Variants in ESRRB observed in about 807,000 individuals in gnomAD.
The protein encoded by ESRRB is steroid hormone receptor ERR2.
Under a neutral mutation model 46.0 loss-of-function variants are expected in ESRRB, and 16 were observed. The observed-to-expected ratio is 0.35, with a 90% CI of 0.24 to 0.53. The LOEUF is 0.53. Ranked by LOEUF, ESRRB falls within the 20% of genes least tolerant of loss-of-function variation. ESRRB has a pLI of 0.93. For missense variants in ESRRB, 488 were observed against 607.4 expected, an observed-to-expected ratio of 0.80 and a Z score of 2.07; for synonymous variants, 246 against 259.6, an observed-to-expected ratio of 0.95 and a Z score of 0.50.
At chr14:76,312,502 G>A (rs548185184) in intron 1 of ESRRB, among the ~76,000 whole-genome samples, 10 of 151,388 alleles carry the variant, frequency 6.6e-5, no homozygotes, top group Non-Finnish European at 1.0e-4. Flanking sequence ...CAGTAAGACC[G>A]CATTCAGTAG....
At position 76,407,397 on chromosome 14, in the gene ESRRB, G is replaced by T. The variant is rs929604085; in HGVS notation, c.50+30946G>T. ...AGAGCCCATGGTTCCAGAGTCGGGG[G>T]TTGCCCCTCTCCATGTTTGAGGGCC... On this transcript the variant is annotated intron_variant, in intron 1 of 6. Transcript: ENST00000644823. 9 of 219,632 alleles carry T rather than the reference G, an allele frequency of 4.1e-5. No homozygotes were observed. In the South Asian group the frequency reaches 8.3e-4, roughly 20 times the overall value. 13.6% of individuals were successfully genotyped at this position (219,632 alleles called of 1,614,324 possible).
rs931292406 is a variant in ESRRB, at chr14:76,491,385, AGGGAGGCCCCT to A, written c.851-59_851-49del. The A allele has an allele frequency of 9.5e-6, 15 of 1,573,626 alleles. No individual in the cohort carries two copies. In the African/African-American group the frequency reaches 1.9e-4, roughly 20 times the overall value. ...GCAACCTCTGCCCCCAGCGAGCCCC[AGGGAGGCCCCT>A]GGTCCGCCCTCCTGACCTGCTGCTG... is the stretch of plus-strand genomic sequence containing the variant. On this transcript the variant is annotated intron_variant, in intron 5 of 6. Coordinates refer to ENST00000644823, the MANE Select transcript of ESRRB (RefSeq NM_001379180.1).
At chr14:76,330,478 T>G (rs1023480114) in intron 1 of ESRRB, among the ~76,000 whole-genome samples, 7 of 152,166 alleles carry the variant, frequency 4.6e-5, no homozygotes, top group African/African-American at 1.7e-4. Context: ...TGAATACCCC[T>G]AAAAAGAGGC....
chr14:76,490,882 C>A (rs1377889502), intron 5 of ESRRB, among the ~76,000 whole-genome samples: 1 of 152,150 alleles, frequency 6.6e-6, no homozygotes, highest in Non-Finnish European at 1.5e-5. Flanking sequence ...TCTTAGCAGC[C>A]CCAGGCTATG....
At chr14:76,438,966 A>ATT (rs34310817) in intron 1 of ESRRB, among the ~76,000 whole-genome samples, 19 of 147,104 alleles carry the variant, frequency 1.3e-4, no homozygotes, top group East Asian at 1.2e-3. Flanking sequence ...TGCCAGGCTA[A>ATT]TTTTTTTTTT....
chr14:76,348,658 ATTC>A (rs761520052), intron 1 of ESRRB, among the ~76,000 whole-genome samples: 1 of 152,168 alleles, frequency 6.6e-6, no homozygotes, highest in Non-Finnish European at 1.5e-5. Context: ...AGAGTCTTTG[ATTC>A]TTCTTCTCAA....
At chr14:76,332,870 TA>T (rs1458923388) in intron 1 of ESRRB, among the ~76,000 whole-genome samples, 359 of 26,070 alleles carry the variant, frequency 0.014, 5 homozygotes, top group Non-Finnish European at 0.02. Flanking sequence ...ATATATAATA[TA>T]TTTTTTTATA....
chr14:76,401,740 G>A (rs1885954826), intron 1 of ESRRB, among the ~76,000 whole-genome samples: 1 of 152,136 alleles, frequency 6.6e-6, no homozygotes, highest in African/African-American at 2.4e-5. Flanking sequence ...TGCCATCTAG[G>A]CTTGTGCAAG....
At chr14:76,351,570 A>AATT in intron 1 of ESRRB, among the ~76,000 whole-genome samples, 1 of 152,218 alleles carries the variant, frequency 6.6e-6, no homozygotes, top group East Asian at 1.9e-4. Context: ...ATTTCTAAAT[A>AATT]AGGTCACATT....
At position 76,439,509 on chromosome 14, in the gene ESRRB, C is replaced by A. The variant is rs529527792; in HGVS notation, c.219C>A (p.His73Gln). ...GCTTTGGCCTGGCCCTGGGCACCCA[C>A]GCCAACGGTCTGGACTCGCCACCCA... ...SGGFGLALGT[H>Q]ANGLDSPPMF... is the part of the protein sequence containing the mutation. Residue 73 changes from histidine (H) to glutamine (Q), a missense_variant, in exon 2 of 7, where the codon CAC becomes CAA. His to Gln is a conservative substitution (Grantham distance 24, BLOSUM62 0). Transcript: ENST00000644823. The A allele has an allele frequency of 3.7e-6, 6 of 1,613,090 alleles. No individual in the cohort carries two copies. Among genetic ancestry groups the A allele is most frequent in the Non-Finnish European group, 5.1e-6 (6 of 1,179,944 alleles).
intron 1 of ESRRB, among the ~76,000 whole-genome samples, chr14:76,412,874 A>G (rs1886502347): frequency 6.6e-6 from 1 of 152,168 alleles, no homozygotes; most frequent in African/African-American, 2.4e-5. Flanking sequence ...CAAATGACTC[A>G]GGAGGCCGGG....
chr14:76,374,232 C>G (rs901975978), upstream of ESRRB, among the ~76,000 whole-genome samples: 1 of 152,332 alleles, frequency 6.6e-6, no homozygotes, highest in South Asian at 2.1e-4. Flanking sequence ...GACATGGTCC[C>G]TACTCCCATG....
At chr14:76,357,653 A>T (rs1449821006) in intron 1 of ESRRB, among the ~76,000 whole-genome samples, 2 of 152,148 alleles carry the variant, frequency 1.3e-5, no homozygotes, top group Non-Finnish European at 2.9e-5. Flanking sequence ...AGCTGGTACT[A>T]TGGCATGCAC....
intron 2 of ESRRB, among the ~76,000 whole-genome samples, chr14:76,456,354 A>G (rs1888614050): frequency 6.6e-6 from 1 of 152,186 alleles, no homozygotes; most frequent in South Asian, 2.1e-4. Flanking sequence ...ATGATGGGCC[A>G]GAGAACCCAT....
chr14:76,330,213 G>T lies in ESRRB; in HGVS notation c.2+19297G>T, dbSNP rs185396807. ...AGCAGGGCAGCGTTTACCCTCTGGGGCCCAAGGGGCTGGCTCCCGAATAAA... is the reference window on the plus strand; with the variant it reads ...AGCAGGGCAGCGTTTACCCTCTGGGTCCCAAGGGGCTGGCTCCCGAATAAA... On this transcript the variant is annotated intron_variant, in intron 1 of 6. Transcript: ENST00000512784. 1.1e-4 allele frequency among the ~76,000 whole-genome samples: 17 copies of T among 152,286 alleles called. No individual in the cohort carries two copies. The East Asian group carries it at 3.3e-3, about 29-fold the overall frequency.
At position 76,499,654 on chromosome 14, in the gene ESRRB, G is replaced by A. The variant is rs879537448; in HGVS notation, c.*1196G>A. On this transcript the variant is annotated 3_prime_UTR_variant, in exon 7 of 7. Coordinates refer to ENST00000644823, the MANE Select transcript of ESRRB (RefSeq NM_001379180.1). ...TTGGTGTAGCTCCCCTGGGCACCGC[G>A]AGCACGCCAGCTCTCTGGCAGGACC... 8.3e-5 allele frequency: 52 copies of A among 628,238 alleles called. No individual in the cohort carries two copies. The highest frequency in any genetic ancestry group is 1.2e-4 in the Non-Finnish European group (42 of 348,198). The allele number at this position is 628,238 out of a possible 1,614,324, so 38.9% of individuals were successfully genotyped here.
chr14:76,439,195 G>A, intron 1 of ESRRB, 146 bp from the exon 2 acceptor site: 1 of 924,764 alleles, frequency 1.1e-6, no homozygotes, highest in East Asian at 2.4e-5. Flanking sequence ...GCGCCGAGGG[G>A]AGACCAGCTG....
upstream of ESRRB, among the ~76,000 whole-genome samples, chr14:76,367,782 G>A (rs1297397838): frequency 6.6e-6 from 1 of 152,078 alleles, no homozygotes; most frequent in Non-Finnish European, 1.5e-5. Context: ...CAGCTTGTGT[G>A]TGGTACAGGG....
chr14:76,388,186 T>C (rs2005042), intron 1 of ESRRB, among the ~76,000 whole-genome samples: 6,451 of 148,004 alleles, frequency 0.044, 223 homozygotes, highest in East Asian at 0.13. Context: ...TTTTTTTTTT[T>C]TTTTTTTTTT....
Sources: gnomAD v4.1 joint callset for allele counts (sites outside exome capture counted in the v4.1 genomes callset) on GRCh38, gnomAD v4.1.1 for gene constraint, MANE v1.5 for transcripts, NCBI Gene and HGNC (gene_info 2026-07-23, HGNC 2026-07-21) for gene names.